The following RAB28 variants were observed in gnomAD, a reference collection of about 807,000 sequenced individuals.
RAB28 encodes RAB28, member RAS oncogene family.
In RAB28, 24 loss-of-function variants were observed where a neutral mutation model predicts 31.7. That is an observed-to-expected ratio of 0.76 (90% CI 0.55 to 1.06). The LOEUF is 1.06. Among genes scored for constraint, RAB28 ranks in the 50% least tolerant of loss-of-function variants. The pLI, the probability that RAB28 is intolerant of heterozygous loss-of-function variation, is 0.00. For missense variants in RAB28, 254 were observed against 258.5 expected, an observed-to-expected ratio of 0.98 and a Z score of 0.12; for synonymous variants, 100 against 90.4, an observed-to-expected ratio of 1.11 and a Z score of -0.60.
chr4:13,404,400 T>TA (rs1400922696), intron 4 of RAB28, among the ~76,000 whole-genome samples: 1 of 151,964 alleles, frequency 6.6e-6, no homozygotes, highest in African/African-American at 2.4e-5. Flanking sequence ...TAAAATAAAA[T>TA]AAATAATGGA....
intron 4 of RAB28, among the ~76,000 whole-genome samples, chr4:13,392,350 A>G (rs948071725): frequency 6.6e-6 from 1 of 152,236 alleles, no homozygotes; most frequent in Non-Finnish European, 1.5e-5. Context: ...ATGTCCTAAC[A>G]GTAAAATTTT....
intron 4 of RAB28, among the ~76,000 whole-genome samples, chr4:13,446,461 A>G (rs1430089214): frequency 6.6e-6 from 1 of 152,170 alleles, no homozygotes; most frequent in Non-Finnish European, 1.5e-5. Flanking sequence ...ACAGCCACCC[A>G]GTTTTGTACT....
rs767804218 is a variant in RAB28 at position 13,484,156 on chromosome 4, C to G, written c.-6G>C. ...TCCTCCTCAGAGTCCGACATGGTGT[C>G]CCGGGAACCAGGCCCGCCCCTCGAG... On this transcript the variant is annotated 5_prime_UTR_variant, in exon 1 of 7. Coordinates refer to ENST00000330852, the MANE Select transcript of RAB28 (RefSeq NM_001017979.3). 6 of 1,579,218 alleles carry G rather than the reference C, an allele frequency of 3.8e-6. No individual in the cohort carries two copies. The South Asian group carries it at 6.9e-5, about 18-fold the overall frequency.
rs376359294 is a variant in RAB28, at chr4:13,473,091, T to C, written c.261+1227A>G. On this transcript the variant is annotated intron_variant, in intron 3 of 6. Transcript: ENST00000330852. ...TGATTCAGAACCATATTAGCCTCTATAGCCATACTGTCCTTCTCCGAATAT... is the reference window on the plus strand; with the variant it reads ...TGATTCAGAACCATATTAGCCTCTACAGCCATACTGTCCTTCTCCGAATAT... Among the ~76,000 whole-genome samples, 7 of 152,124 alleles carry C rather than the reference T, an allele frequency of 4.6e-5. No homozygotes were observed. In the South Asian group the frequency reaches 1.2e-3, roughly 27 times the overall value.
At chr4:13,448,722 T>G (rs1054434088) in intron 4 of RAB28, among the ~76,000 whole-genome samples, 4 of 152,002 alleles carry the variant, frequency 2.6e-5, no homozygotes, top group Non-Finnish European at 5.9e-5. Flanking sequence ...CAATTAAACT[T>G]GAAATGCTAT....
At chr4:13,426,727 T>G (rs527658203) in intron 4 of RAB28, among the ~76,000 whole-genome samples, 3 of 152,312 alleles carry the variant, frequency 2.0e-5, no homozygotes, top group Non-Finnish European at 4.4e-5. Context: ...ATAAATATAT[T>G]ACCTTATTAT....
chr4:13,440,344 G>GA (rs1044010387), intron 4 of RAB28, among the ~76,000 whole-genome samples: 26 of 150,348 alleles, frequency 1.7e-4, no homozygotes, highest in African/African-American at 5.9e-4. Context: ...TATGAGGATA[G>GA]AAAAAAAAAG....
At chr4:13,382,790 C>CTGGG (rs1480698429) in intron 4 of RAB28, among the ~76,000 whole-genome samples, 1 of 149,006 alleles carries the variant, frequency 6.7e-6, no homozygotes, top group Non-Finnish European at 1.5e-5. Flanking sequence ...CCTCTGCCTC[C>CTGGG]TGGGTTCAAG....
chr4:13,459,802 A>G, intron 4 of RAB28: 2 of 1,232,522 alleles, frequency 1.6e-6, no homozygotes, highest in Non-Finnish European at 2.1e-6. Flanking sequence ...TCTTCCCTAA[A>G]ATAGGAGATC....
Position 13,474,337 on chromosome 4 carries a change from T to G in RAB28, c.242A>C (p.Lys81Thr). 1 of 1,592,830 alleles carries G rather than the reference T, an allele frequency of 6.3e-7. No homozygotes were observed. The highest frequency in any genetic ancestry group is 8.6e-7 in the Non-Finnish European group (1 of 1,163,438). The change falls in exon 3 of 7, where the codon AAA becomes ACA. Residue 81 changes from lysine to threonine, a missense_variant. Coordinates refer to ENST00000330852, the MANE Select transcript of RAB28 (RefSeq NM_001017979.3). Reference sequence around the variant, plus strand: ...TCATACCTGTGCTCCATAGATATATTTATCCAACATTTTGCCTCCTATTGT... The same window carrying G: ...TCATACCTGTGCTCCATAGATATATGTATCCAACATTTTGCCTCCTATTGT... ...GQTIGGKMLD[K>T]YIYGAQGVLL...
At chr4:13,422,615 C>A (rs1398707538) in intron 4 of RAB28, among the ~76,000 whole-genome samples, 1 of 152,070 alleles carries the variant, frequency 6.6e-6, no homozygotes, top group Non-Finnish European at 1.5e-5. Flanking sequence ...ATGGACGAAG[C>A]TGGAAACCAT....
At chr4:13,420,107 C>A (rs2108919761) in intron 4 of RAB28, among the ~76,000 whole-genome samples, 1 of 152,262 alleles carries the variant, frequency 6.6e-6, no homozygotes. Context: ...TATAAACTAC[C>A]ATCGGAGAAT....
intron 4 of RAB28, chr4:13,460,050 T>TTTC: frequency 2.2e-6 from 1 of 451,824 alleles, no homozygotes; most frequent in Non-Finnish European, 3.8e-6. Flanking sequence ...TACACACTCT[T>TTTC]AGGAATTTTC....
In RAB28 at chr4:13,460,940, T is replaced by C. The variant is rs1045215665; in HGVS notation, c.262-112A>G. The C allele has an allele frequency of 1.3e-5, 13 of 985,706 alleles. No homozygotes were observed. The African/African-American group carries it at 2.1e-4, about 16-fold the overall frequency. The allele number at this position is 985,706 out of a possible 1,614,324, so 61.1% of individuals were successfully genotyped here. On this transcript the variant is annotated intron_variant, in intron 3 of 6. Transcript: ENST00000330852. ...CAAAATGGGTATAAAAATACAAATG[T>C]GTAGTGTTTTATATATAAACTTCCA...
At chr4:13,406,815 G>C (rs1383340147) in intron 4 of RAB28, among the ~76,000 whole-genome samples, 1 of 152,130 alleles carries the variant, frequency 6.6e-6, no homozygotes, top group African/African-American at 2.4e-5. Flanking sequence ...AGAAGTGTCT[G>C]TTTATATCCT....
At chr4:13,446,080 G>A (rs1005196832) in intron 4 of RAB28, among the ~76,000 whole-genome samples, 11 of 152,188 alleles carry the variant, frequency 7.2e-5, no homozygotes, top group African/African-American at 2.2e-4. Flanking sequence ...CAGTAAGGAG[G>A]AATTAAGAGA....
At chr4:13,406,222 A>G (rs1200228328) in intron 4 of RAB28, among the ~76,000 whole-genome samples, 3 of 151,628 alleles carry the variant, frequency 2.0e-5, no homozygotes, top group Admixed American at 6.6e-5. Context: ...TTATTGTTCA[A>G]CTCCCACTTA....
At chr4:13,472,960 A>G (rs184247441) in intron 3 of RAB28, among the ~76,000 whole-genome samples, 1,756 of 152,148 alleles carry the variant, frequency 0.012, 13 homozygotes, top group Non-Finnish European at 0.017. Flanking sequence ...ATGTGAACAG[A>G]AAAATTTTGC....
intron 4 of RAB28, among the ~76,000 whole-genome samples, chr4:13,405,609 GA>G (rs1712033862): frequency 6.6e-6 from 1 of 152,046 alleles, no homozygotes; most frequent in Admixed American, 6.5e-5. Context: ...CAGCATTTAT[GA>G]ATAAAATTCA....
Sources: gnomAD v4.1 joint callset for allele counts (sites outside exome capture counted in the v4.1 genomes callset) on GRCh38, gnomAD v4.1.1 for gene constraint, MANE v1.5 for transcripts, NCBI Gene and HGNC (gene_info 2026-07-23, HGNC 2026-07-21) for gene names.